Variants in RIT2 observed in about 807,000 individuals in gnomAD.
RIT2 encodes the protein GTP-binding protein Rit2.
A neutral mutation model predicts 23.7 loss-of-function variants in RIT2; 24 were observed. That is an observed-to-expected ratio of 1.01 (90% CI 0.73 to 1.43). The LOEUF is 1.43. Ranked by LOEUF, RIT2 falls within the 40% of genes most tolerant of loss-of-function variation. The pLI is 0.00. For missense variants in RIT2, 236 were observed against 266.9 expected, an observed-to-expected ratio of 0.88 and a Z score of 0.81; for synonymous variants, 107 against 91.1, an observed-to-expected ratio of 1.17 and a Z score of -0.99.
intron 4 of RIT2, among the ~76,000 whole-genome samples, chr18:42,763,421 C>A (rs557548832): frequency 5.6e-4 from 82 of 147,618 alleles, no homozygotes; most frequent in African/African-American, 2.0e-3. Context: ...GAGATTGCAC[C>A]TTTGCACTCC....
chr18:42,985,357 A>G (rs1215136636), intron 2 of RIT2, among the ~76,000 whole-genome samples: 1 of 152,106 alleles, frequency 6.6e-6, no homozygotes, highest in Non-Finnish European at 1.5e-5. Context: ...TCCCTAATTG[A>G]TCTAGAAATG....
intron 4 of RIT2, among the ~76,000 whole-genome samples, chr18:42,749,810 G>A (rs1438589062): frequency 1.3e-5 from 2 of 151,714 alleles, no homozygotes; most frequent in Non-Finnish European, 3.0e-5. Flanking sequence ...AATTAAATTC[G>A]TGATTAAAAC....
chr18:42,915,734 A>G (rs1485284733), intron 4 of RIT2, among the ~76,000 whole-genome samples: 1 of 152,066 alleles, frequency 6.6e-6, no homozygotes, highest in Non-Finnish European at 1.5e-5. Flanking sequence ...AGAATTTTCT[A>G]AATGACAAAT....
At chr18:43,035,797 G>T (rs1242224146) in intron 1 of RIT2, among the ~76,000 whole-genome samples, 2 of 152,022 alleles carry the variant, frequency 1.3e-5, no homozygotes, top group African/African-American at 4.8e-5. Flanking sequence ...CTATACACCC[G>T]CCTTAGTGCT....
intron 1 of RIT2, among the ~76,000 whole-genome samples, chr18:43,073,479 C>A (rs532271479): frequency 2.0e-5 from 3 of 152,240 alleles, no homozygotes; most frequent in Admixed American, 2.0e-4. Flanking sequence ...GTGATGCTAG[C>A]TCCAAACATA....
intron 4 of RIT2, among the ~76,000 whole-genome samples, chr18:42,800,864 T>A (rs952505108): frequency 2.6e-5 from 4 of 152,104 alleles, no homozygotes; most frequent in Non-Finnish European, 5.9e-5. Flanking sequence ...CTCTCTTATG[T>A]TTTCCCGTTA....
intron 1 of RIT2, among the ~76,000 whole-genome samples, chr18:43,063,514 TC>T (rs1484261511): frequency 6.6e-6 from 1 of 152,174 alleles, no homozygotes; most frequent in Non-Finnish European, 1.5e-5. Flanking sequence ...TTTATTTTAC[TC>T]CCCTTTTGAA....
rs16977058 is a variant in RIT2, at chr18:42,850,475, C to T, written c.426+73097G>A. Among the ~76,000 whole-genome samples the T allele has an allele frequency of 6.0e-3, 911 of 152,190 alleles. 13 individuals carry two copies. The highest frequency in any genetic ancestry group is 0.02 in the African/African-American group (819 of 41,514). Reference sequence around the variant, plus strand: ...ATGATGACTGTGTTAATAGCCTTTACGCATGAATTCCTTTTATACATCAAG... The same window carrying T: ...ATGATGACTGTGTTAATAGCCTTTATGCATGAATTCCTTTTATACATCAAG... On this transcript the variant is annotated intron_variant, in intron 4 of 4. Coordinates refer to ENST00000326695, the MANE Select transcript of RIT2 (RefSeq NM_002930.4).
intron 2 of RIT2, among the ~76,000 whole-genome samples, chr18:43,028,963 G>A (rs1209761218): frequency 2.6e-5 from 4 of 151,944 alleles, no homozygotes; most frequent in Non-Finnish European, 4.4e-5. Flanking sequence ...AAGAGATATT[G>A]AGAAATGTAT....
chr18:42,764,124 C>A (rs1913367803), intron 4 of RIT2, among the ~76,000 whole-genome samples: 1 of 152,186 alleles, frequency 6.6e-6, no homozygotes, highest in Admixed American at 6.5e-5. Context: ...GAAGATTAAA[C>A]CAACAGAACT....
chr18:42,956,850 C>G (rs140034973), intron 3 of RIT2, among the ~76,000 whole-genome samples: 48 of 152,188 alleles, frequency 3.2e-4, no homozygotes, highest in African/African-American at 1.0e-3. Context: ...GTAATGGCAT[C>G]CTGGCGTCCC....
At chr18:42,930,613 T>C (rs776517982) in intron 3 of RIT2, among the ~76,000 whole-genome samples, 10 of 152,122 alleles carry the variant, frequency 6.6e-5, no homozygotes, top group South Asian at 4.1e-4. Context: ...GTAGTTGTAA[T>C]GACAGAGATC....
At chr18:43,046,642 G>C (rs978866029) in intron 1 of RIT2, among the ~76,000 whole-genome samples, 3 of 152,152 alleles carry the variant, frequency 2.0e-5, no homozygotes, top group Admixed American at 6.5e-5. Context: ...ATTCTGTCTA[G>C]AGCAGTGGTT....
chr18:42,849,608 G>A lies in RIT2; in HGVS notation c.426+73964C>T, dbSNP rs189916851. Among the ~76,000 whole-genome samples, 7 of 152,270 alleles carry A rather than the reference G, an allele frequency of 4.6e-5. No individual in the cohort carries two copies. The East Asian group carries it at 1.4e-3, about 29-fold the overall frequency. ...TATTAACATCTGTATTAGTACAACT[G>A]AAGCACCACGTTATCTTCAAGTTTG... is the stretch of plus-strand genomic sequence containing the variant. On this transcript the variant is annotated intron_variant, in intron 4 of 4. Coordinates refer to ENST00000326695, the MANE Select transcript of RIT2 (RefSeq NM_002930.4).
chr18:43,064,409 T>C (rs1290781589), intron 1 of RIT2, among the ~76,000 whole-genome samples: 2 of 152,162 alleles, frequency 1.3e-5, no homozygotes, highest in African/African-American at 4.8e-5. Context: ...CTAAGTAATG[T>C]ACATTTTGGA....
chr18:42,933,552 T>C (rs1909379225), intron 3 of RIT2, among the ~76,000 whole-genome samples: 1 of 152,136 alleles, frequency 6.6e-6, no homozygotes. Flanking sequence ...GAGTGAGTGC[T>C]CATGATAATG....
At chr18:42,791,094 C>T (rs747739761) in intron 4 of RIT2, among the ~76,000 whole-genome samples, 2 of 152,180 alleles carry the variant, frequency 1.3e-5, no homozygotes, top group Non-Finnish European at 2.9e-5. Flanking sequence ...AACTTAAAAT[C>T]GATATTAAAT....
chr18:42,915,851 G>A (rs1908894727), intron 4 of RIT2, among the ~76,000 whole-genome samples: 1 of 150,816 alleles, frequency 6.6e-6, no homozygotes, highest in Admixed American at 6.6e-5. Context: ...ACATATGCGT[G>A]TATATATATA....
chr18:42,910,034 T>C (rs1210953052), intron 4 of RIT2, among the ~76,000 whole-genome samples: 1 of 152,148 alleles, frequency 6.6e-6, no homozygotes, highest in Non-Finnish European at 1.5e-5. Context: ...TATACTTAAC[T>C]TGAAATGGTA....
Sources: allele counts gnomAD v4.1 joint callset (sites outside exome capture counted in the v4.1 genomes callset), GRCh38; gene constraint gnomAD v4.1.1; transcripts MANE v1.5; gene names NCBI Gene and HGNC (gene_info 2026-07-23, HGNC 2026-07-21).